CUX2: variants seen among roughly 807,000 people sequenced by gnomAD.
CUX2 encodes cut like homeobox 2.
Under a neutral mutation model 144.8 loss-of-function variants are expected in CUX2, and 40 were observed. The observed-to-expected ratio is 0.28, with a 90% CI of 0.21 to 0.36. The LOEUF is 0.36. Among genes scored for constraint, CUX2 ranks in the 10% least tolerant of loss-of-function variants. CUX2 has a pLI of 1.00. For synonymous variants in CUX2, 827 were observed against 875.6 expected (o/e 0.94, Z 0.98); for missense variants, 1,615 against 1,994.0 (o/e 0.81, Z 3.62).
At chr12:111,218,734 CTT>C (rs1376102459) in intron 3 of CUX2, among the ~76,000 whole-genome samples, 3 of 152,192 alleles carry the variant, frequency 2.0e-5, no homozygotes, top group Non-Finnish European at 4.4e-5. Flanking sequence ...CCAGCCCACT[CTT>C]TGAGTATAAA....
intron 3 of CUX2, among the ~76,000 whole-genome samples, chr12:111,250,686 A>C (rs1250538914): frequency 6.6e-6 from 1 of 152,190 alleles, no homozygotes; most frequent in African/African-American, 2.4e-5. Context: ...CAAAAGACAC[A>C]CAGCTGGAAA....
rs1338872843 is a variant in CUX2, at chr12:111,126,051, G to GC, written c.64-88149_64-88148insC. ...GTATGTGGGGTGGTGGCGTGGGGGG[G>GC]GCGGATTTATTATAAGGAATTGGCT... On this transcript the variant is annotated intron_variant, in intron 1 of 21. Coordinates refer to ENST00000261726, the MANE Select transcript of CUX2 (RefSeq NM_015267.4). 4.3e-3 allele frequency among the ~76,000 whole-genome samples: 637 copies of GC among 149,552 alleles called. 11 individuals are homozygous for GC. The highest frequency in any genetic ancestry group is 0.015 in the African/African-American group (597 of 39,188).
chr12:111,310,872 C>T lies in CUX2; in HGVS notation c.1900+190C>T, dbSNP rs536809962. 1.7e-4 allele frequency among the ~76,000 whole-genome samples: 26 copies of T among 152,372 alleles called. No homozygotes were observed. The highest frequency in any genetic ancestry group is 2.8e-4 in the Non-Finnish European group (19 of 68,038). ...TCTGTAAAAGCAGGAAATACATCCTCGCTCTCTCCTTCCTGGCCCTGGCCA... is the reference window on the plus strand; with the variant it reads ...TCTGTAAAAGCAGGAAATACATCCTTGCTCTCTCCTTCCTGGCCCTGGCCA... On this transcript the variant is annotated intron_variant, in intron 15 of 21. Transcript: ENST00000261726. This position sits in a 1 kb window ranked among gnomAD's most constrained non-coding sequence, Gnocchi z 7.9.
Position 111,332,307 on chromosome 12 carries a change from AT to A in CUX2, c.2927-2128del, listed in dbSNP as rs376272031. Among the ~76,000 whole-genome samples the A allele has an allele frequency of 4.0e-5, 6 of 150,444 alleles. 1 individual carries two copies. Among genetic ancestry groups the A allele is most frequent in the African/African-American group, 1.5e-4 (6 of 40,642 alleles). On this transcript the variant is annotated intron_variant, in intron 18 of 21. Coordinates refer to ENST00000261726, the MANE Select transcript of CUX2 (RefSeq NM_015267.4). ...GCCACCATGCCCAGCTAATTTTTGT[AT>A]TTTTTAGTAGAGACGGGGTTTCACC...
chr12:111,231,634 A>C (rs1186341664), intron 3 of CUX2, among the ~76,000 whole-genome samples: 1 of 152,244 alleles, frequency 6.6e-6, no homozygotes, highest in Non-Finnish European at 1.5e-5. Flanking sequence ...AACACAGTCC[A>C]TTTGTATCCA....
intron 1 of CUX2, among the ~76,000 whole-genome samples, chr12:111,091,870 T>C (rs1323290144): frequency 1.3e-5 from 2 of 152,212 alleles, no homozygotes; most frequent in African/African-American, 4.8e-5. Flanking sequence ...GTCTTATCTT[T>C]GCACCTGTCT....
At chr12:111,264,029 C>A (rs1026251855) in intron 4 of CUX2, among the ~76,000 whole-genome samples, 190 bp downstream of exon 4, 7 of 152,154 alleles carry the variant, frequency 4.6e-5, no homozygotes, top group African/African-American at 1.4e-4. Context: ...CTCCCCCCAT[C>A]TTCCTTCATC....
At chr12:111,328,580 T>TTGTG (rs568983449) in intron 18 of CUX2, among the ~76,000 whole-genome samples, 16,606 of 135,706 alleles carry the variant, frequency 0.12, 1,178 homozygotes, top group East Asian at 0.3. Flanking sequence ...CCAATTTCTT[T>TTGTG]TGTGTGTGTG....
Position 111,304,320 on chromosome 12 carries a change from G to C in CUX2, c.858+6G>C. ...CTCCCCAGGGGCCCAGTGGGGTAAG[G>C]ATGGGGTTGGGGAAGTGAGCAGGGA... On this transcript the variant is annotated splice_donor_region_variant and intron_variant, in intron 10 of 21. Coordinates refer to ENST00000261726, the MANE Select transcript of CUX2 (RefSeq NM_015267.4). This position sits in a 1 kb window ranked among gnomAD's most constrained non-coding sequence, Gnocchi z 4.7. 2.5e-6 allele frequency: 4 copies of C among 1,611,336 alleles called. No homozygotes were observed. Among genetic ancestry groups the C allele is most frequent in the Non-Finnish European group, 3.4e-6 (4 of 1,178,160 alleles).
chr12:111,348,049 G>A lies in CUX2; in HGVS notation c.4185G>A (p.Leu1395=). 6.2e-7 allele frequency: 1 copy of A among 1,614,100 alleles called. No individual in the cohort carries two copies. Among genetic ancestry groups the A allele is most frequent in the Non-Finnish European group, 8.5e-7 (1 of 1,180,040 alleles). The change falls in exon 22 of 22, where the codon CTG becomes CTA. Residue 1395 remains leucine, a synonymous_variant. Coordinates refer to ENST00000261726, the MANE Select transcript of CUX2 (RefSeq NM_015267.4). ...CACGCTGCAGCCTGGAGGTGTCACT[G>A]AACTCGCCCTCGGCCGCCTCCTCAC... ...ESSRCSLEVS[L]NSPSAASSPG...
rs1465787342 is a variant in CUX2 at position 111,325,484 on chromosome 12, A to G, written c.2926+2904A>G. On this transcript the variant is annotated intron_variant, in intron 18 of 21. Transcript: ENST00000261726. ...GTAGTGCAGTGACTTGCCCAAGGCC[A>G]TCATCCAGTGAGTGGCAGACCTAGG... Among the ~76,000 whole-genome samples the G allele has an allele frequency of 4.6e-5, 7 of 152,298 alleles. No individual in the cohort carries two copies. In the East Asian group the frequency reaches 1.4e-3, roughly 29 times the overall value.
intron 3 of CUX2, among the ~76,000 whole-genome samples, chr12:111,251,919 C>T (rs943751997): frequency 2.0e-5 from 3 of 152,136 alleles, no homozygotes; most frequent in Non-Finnish European, 2.9e-5. Flanking sequence ...AAGGCTCACA[C>T]GTGTAATCCC....
At chr12:111,278,139 G>A (rs1206953765) in intron 4 of CUX2, among the ~76,000 whole-genome samples, 1 of 152,220 alleles carries the variant, frequency 6.6e-6, no homozygotes, top group East Asian at 1.9e-4. Context: ...CTCACGGGCA[G>A]GACGTGGTGG....
At position 111,348,016 on chromosome 12, in the gene CUX2, A is replaced by G; in HGVS notation, c.4152A>G (p.Ser1384=). The G allele has an allele frequency of 6.2e-7, 1 of 1,614,108 alleles. No homozygotes were observed. The highest frequency in any genetic ancestry group is 8.5e-7 in the Non-Finnish European group (1 of 1,180,004). ...HPDPLSFKSA[S]ESSRCSLEVS... ...ACCCTTTAAGTTTTAAGTCAGCCTC[A>G]GAGTCCTCACGCTGCAGCCTGGAGG... The change falls in exon 22 of 22, where the codon TCA becomes TCG. Residue 1384 remains serine, a synonymous_variant. Coordinates refer to ENST00000261726, the MANE Select transcript of CUX2 (RefSeq NM_015267.4).
At chr12:111,159,067 G>C (rs545999747) in intron 1 of CUX2, among the ~76,000 whole-genome samples, 1 of 152,288 alleles carries the variant, frequency 6.6e-6, no homozygotes, top group South Asian at 2.1e-4. Context: ...CTGGTGTTCC[G>C]ATCCCTCATC....
Position 111,035,477 on chromosome 12 carries a change from G to C in CUX2, c.63+1237G>C, listed in dbSNP as rs145310081. The stretch of plus-strand genomic sequence containing the variant: ...CAAGGCCCCCCAGCCTTGGAGTCTC[G>C]CAAAGTCTCGGCGGGTGCGGCGGGG... On this transcript the variant is annotated intron_variant, in intron 1 of 21. Coordinates refer to ENST00000261726, the MANE Select transcript of CUX2 (RefSeq NM_015267.4). The surrounding 1 kb of genome is among the most constrained non-coding windows in gnomAD (Gnocchi z 6.0). 6.9e-4 allele frequency among the ~76,000 whole-genome samples: 105 copies of C among 152,278 alleles called. 1 individual carries two copies. The highest frequency in any genetic ancestry group is 1.4e-3 in the Non-Finnish European group (98 of 68,008).
At chr12:111,314,955 C>A (rs567469789) in intron 16 of CUX2, among the ~76,000 whole-genome samples, 1 of 152,266 alleles carries the variant, frequency 6.6e-6, no homozygotes, top group East Asian at 1.9e-4. Flanking sequence ...CAGAGGGAAA[C>A]CCCAGGTCTC....
intron 1 of CUX2, among the ~76,000 whole-genome samples, chr12:111,069,513 CCTTG>C (rs1217653676): frequency 6.8e-6 from 1 of 146,652 alleles, no homozygotes; most frequent in Non-Finnish European, 1.5e-5. Context: ...ATAAACAAAG[CCTTG>C]CTCTGTGTGT....
At chr12:111,123,246 C>T (rs1240578364) in intron 1 of CUX2, among the ~76,000 whole-genome samples, 2 of 151,912 alleles carry the variant, frequency 1.3e-5, no homozygotes, top group Admixed American at 6.5e-5. Flanking sequence ...GCAGTGGTGC[C>T]ATCTTGGCTC....
Sources: gnomAD v4.1 joint callset for allele counts (sites outside exome capture counted in the v4.1 genomes callset) on GRCh38, gnomAD v4.1.1 for gene constraint, Gnocchi (gnomAD v3.1) non-coding constraint, MANE v1.5 for transcripts, NCBI Gene and HGNC (gene_info 2026-07-23, HGNC 2026-07-21) for gene names.